SPATA13: variants seen among roughly 807,000 people sequenced by gnomAD.
The protein encoded by SPATA13 is spermatogenesis associated 13, also known as spermatogenesis-associated protein 13.
A neutral mutation model predicts 104.0 loss-of-function variants in SPATA13; 50 were observed. The ratio of observed to expected loss-of-function variants is 0.48; its 90% CI spans 0.38 to 0.61. The LOEUF is 0.61. Ranked by LOEUF, SPATA13 falls within the 20% of genes least tolerant of loss-of-function variation. SPATA13 has a pLI of 0.00. For synonymous variants in SPATA13, 606 were observed against 667.5 expected, an observed-to-expected ratio of 0.91 and a Z score of 1.42; for missense variants, 1,524 against 1,690.6, an observed-to-expected ratio of 0.90 and a Z score of 1.73.
intron 2 of SPATA13, among the ~76,000 whole-genome samples, chr13:24,226,512 T>C (rs1354028683): frequency 2.6e-5 from 4 of 152,250 alleles, no homozygotes; most frequent in Admixed American, 6.5e-5. Context: ...AACATCTTTA[T>C]AATTTTCACT....
At chr13:24,014,879 A>ATTTTTTTTTTTTT (rs10566756) in intron 2 of SPATA13, among the ~76,000 whole-genome samples, 11 of 78,698 alleles carry the variant, frequency 1.4e-4, no homozygotes, top group Non-Finnish European at 2.4e-4. Context: ...CACTTTCTGG[A>ATTTTTTTTTTTTT]TTTTTTTTTT....
At chr13:24,050,585 C>CA (rs1566085988) in intron 3 of SPATA13, among the ~76,000 whole-genome samples, 1 of 152,312 alleles carries the variant, frequency 6.6e-6, no homozygotes, top group East Asian at 1.9e-4. Flanking sequence ...CAGGACACAG[C>CA]ATGGCAGCTG....
intron 2 of SPATA13, among the ~76,000 whole-genome samples, chr13:24,005,685 G>A (rs1263799043): frequency 6.6e-6 from 1 of 152,166 alleles, no homozygotes; most frequent in East Asian, 1.9e-4. Context: ...GCTGGTATGT[G>A]TCATGTAAAG....
chr13:24,042,826 A>T (rs767648880), intron 3 of SPATA13, among the ~76,000 whole-genome samples: 1 of 152,170 alleles, frequency 6.6e-6, no homozygotes, highest in African/African-American at 2.4e-5. Context: ...ATTCTAACAC[A>T]TGTGGTCTGA....
At chr13:24,043,992 A>C (rs1878032205) in intron 3 of SPATA13, among the ~76,000 whole-genome samples, 1 of 152,102 alleles carries the variant, frequency 6.6e-6, no homozygotes, top group African/African-American at 2.4e-5. Flanking sequence ...ATGGATTTAC[A>C]CTGGTGGAGC....
At chr13:24,038,496 A>G (rs1013367705) in intron 3 of SPATA13, among the ~76,000 whole-genome samples, 15 of 152,220 alleles carry the variant, frequency 9.9e-5, no homozygotes, top group Non-Finnish European at 2.2e-4. Context: ...AAATCACTGC[A>G]GCACTTCAGG....
chr13:24,179,784 A>T (rs1868685669), intron 1 of SPATA13, among the ~76,000 whole-genome samples: 1 of 152,102 alleles, frequency 6.6e-6, no homozygotes, highest in Non-Finnish European at 1.5e-5. Flanking sequence ...ACACCTTTTC[A>T]TGTGCTTATT....
At chr13:24,181,781 G>A (rs982785834) in intron 1 of SPATA13, among the ~76,000 whole-genome samples, 2 of 134,394 alleles carry the variant, frequency 1.5e-5, no homozygotes, top group East Asian at 2.1e-4. Context: ...TTTTGTTAAA[G>A]TAAGTAAGTA....
chr13:24,173,730 C>G (rs931100337), intron 1 of SPATA13, among the ~76,000 whole-genome samples: 2 of 152,006 alleles, frequency 1.3e-5, no homozygotes, highest in African/African-American at 4.8e-5. Flanking sequence ...TGTGGTTTTT[C>G]TTCTTCAGCC....
intron 4 of SPATA13, among the ~76,000 whole-genome samples, chr13:24,253,427 T>G (rs1334887257): frequency 6.6e-6 from 1 of 151,734 alleles, no homozygotes; most frequent in African/African-American, 2.4e-5. Flanking sequence ...TTAGGATAAC[T>G]AGTCCTCCAG....
At position 24,011,845 on chromosome 13, in the gene SPATA13, C is replaced by G. The variant is rs957301788; in HGVS notation, c.-146-5822C>G. Among the ~76,000 whole-genome samples the G allele has an allele frequency of 6.6e-6, 1 of 152,232 alleles. No homozygotes were observed. Among genetic ancestry groups the G allele is most frequent in the Non-Finnish European group, 1.5e-5 (1 of 68,042 alleles). On this transcript the variant is annotated intron_variant, in intron 2 of 14. Coordinates refer to the SPATA13 transcript ENST00000424834. The surrounding 1 kb of genome is among the most constrained non-coding windows in gnomAD (Gnocchi z 4.3). ...AACTTAGGGGCAGAGCCCACCTGCA[C>G]AGGCAAACTTGGGGGACCATGAGGG...
At chr13:24,293,220 A>C (rs1157886578) in intron 9 of SPATA13, among the ~76,000 whole-genome samples, 1 of 150,170 alleles carries the variant, frequency 6.7e-6, no homozygotes, top group African/African-American at 2.5e-5. Flanking sequence ...GAAATCAGAA[A>C]AGTTCAGTGG....
At chr13:24,163,811 G>A (rs1593371598) in intron 1 of SPATA13, among the ~76,000 whole-genome samples, 1 of 152,190 alleles carries the variant, frequency 6.6e-6, no homozygotes, top group Non-Finnish European at 1.5e-5. Flanking sequence ...AGCTTGGTAG[G>A]TTGACCTCTC....
chr13:24,256,656 C>A (rs964137439), intron 4 of SPATA13, among the ~76,000 whole-genome samples: 1 of 152,106 alleles, frequency 6.6e-6, no homozygotes, highest in Non-Finnish European at 1.5e-5. Flanking sequence ...CTGTGCTCTT[C>A]CTTTCTCTCA....
chr13:24,223,908 G>A lies in SPATA13; in HGVS notation c.979G>A (p.Val327Met). 4 of 1,551,640 alleles carry A rather than the reference G, an allele frequency of 2.6e-6. No individual in the cohort carries two copies. The highest frequency in any genetic ancestry group is 3.5e-6 in the Non-Finnish European group (4 of 1,147,004). ...FDRVFKLVSN[V>M]TEAAWRRESP... ...CAGAGTCTTCAAACTTGTGAGCAAT[G>A]TGACTGAGGCTGCCTGGAGGAGGGA... Residue 327 changes from valine to methionine, a missense_variant, in exon 2 of 13, where the codon GTG becomes ATG. Around this residue, in one of 2 missense-constraint regions of SPATA13, gnomAD observed 1,089 missense variants for 1,135.9 expected, o/e 0.96. Coordinates refer to ENST00000382108, the MANE Select transcript of SPATA13 (RefSeq NM_001166271.3).
intron 3 of SPATA13, among the ~76,000 whole-genome samples, chr13:24,060,761 C>T (rs1878743998): frequency 6.6e-6 from 1 of 152,152 alleles, no homozygotes; most frequent in South Asian, 2.1e-4. Flanking sequence ...CAAACAACTC[C>T]ATTAAAAATG....
At chr13:24,158,263 C>T (rs1001317473), upstream of SPATA13, among the ~76,000 whole-genome samples, 2 of 152,140 alleles carry the variant, frequency 1.3e-5, no homozygotes, top group African/African-American at 4.8e-5. Context: ...CAGGAAACAA[C>T]AGAATGCAGA....
At chr13:24,261,898 T>G (rs185361258) in intron 4 of SPATA13, among the ~76,000 whole-genome samples, 236 of 152,362 alleles carry the variant, frequency 1.5e-3, no homozygotes, top group Admixed American at 2.7e-3. Flanking sequence ...TGTTGATGGT[T>G]TTCTCATTTT....
chr13:24,159,469 A>G (rs368898309), upstream of SPATA13, among the ~76,000 whole-genome samples: 8 of 152,348 alleles, frequency 5.3e-5, 1 homozygote, highest in Admixed American at 6.5e-5. Flanking sequence ...AGGAATGGAA[A>G]GTACACGGAG....
Sources: allele counts gnomAD v4.1 joint callset (sites outside exome capture counted in the v4.1 genomes callset), GRCh38; gene constraint gnomAD v4.1.1; regional missense constraint gnomAD v4.1.1; non-coding constraint Gnocchi (gnomAD v3.1); transcripts MANE v1.5; gene names NCBI Gene and HGNC (gene_info 2026-07-23, HGNC 2026-07-21).